The following EFHC1 variants were observed in gnomAD, a reference collection of about 807,000 sequenced individuals.
EFHC1 encodes EF-hand domain containing 1.
Under a neutral mutation model 69.9 loss-of-function variants are expected in EFHC1, and 53 were observed. The observed-to-expected ratio is 0.76, with a 90% CI of 0.61 to 0.95. EFHC1 has a LOEUF of 0.95. Ranked by LOEUF, EFHC1 falls within the 40% of genes least tolerant of loss-of-function variation. The probability of loss-of-function intolerance (pLI) is 0.00; values close to 1 mark genes in which losing one functional copy is unlikely to be tolerated. For synonymous variants in EFHC1, 256 were observed against 278.4 expected, an observed-to-expected ratio of 0.92 and a Z score of 0.80; for missense variants, 739 against 798.7, an observed-to-expected ratio of 0.93 and a Z score of 0.90.
chr6:52,479,021 T>C lies in EFHC1; in HGVS notation c.1279-16T>C, dbSNP rs1347910932. 1 of 1,611,560 alleles carries C rather than the reference T, an allele frequency of 6.2e-7. No homozygotes were observed. Among genetic ancestry groups the C allele is most frequent in the Non-Finnish European group, 8.5e-7 (1 of 1,179,280 alleles). On this transcript the variant is annotated splice_polypyrimidine_tract_variant and intron_variant, in intron 7 of 10. Coordinates refer to ENST00000371068, the MANE Select transcript of EFHC1 (RefSeq NM_018100.4). Reference sequence around the variant, plus strand: ...CCATGAACCTTCATAATATCCTCTTTTCTTCACCTTTGTAGGAATCCCCCA... The same window carrying C: ...CCATGAACCTTCATAATATCCTCTTCTCTTCACCTTTGTAGGAATCCCCCA...
At chr6:52,465,224 AT>A in intron 6 of EFHC1, 109 bp downstream of exon 6, 1 of 950,028 alleles carries the variant, frequency 1.1e-6, no homozygotes, top group Non-Finnish European at 1.6e-6. Flanking sequence ...GACAAAGTAT[AT>A]GTAACACAGT....
intron 7 of EFHC1, among the ~76,000 whole-genome samples, chr6:52,478,543 A>T (rs1765594559): frequency 6.6e-6 from 1 of 152,194 alleles, no homozygotes; most frequent in Non-Finnish European, 1.5e-5. Context: ...TATGTATATA[A>T]ATTGATTTGC....
rs1036221100 is a variant in EFHC1, at chr6:52,482,651, T to C, written c.1640+2864T>C. 3.0e-5 allele frequency: 12 copies of C among 394,814 alleles called. No homozygotes were observed. In the East Asian group the frequency reaches 4.3e-4, roughly 14 times the overall value. The allele number at this position is 394,814 out of a possible 1,614,324, so 24.5% of individuals were successfully genotyped here. A position where few individuals can be genotyped will look rare whatever the true frequency, so the allele number is the denominator to read the frequency against. On this transcript the variant is annotated intron_variant, in intron 9 of 10. Coordinates refer to ENST00000371068, the MANE Select transcript of EFHC1 (RefSeq NM_018100.4). Reference sequence around the variant, plus strand: ...TTTATGATTTTTGCTTTCAATGTTATAAAATATGTCTTAGACTTCCTTTAA... The same window carrying C: ...TTTATGATTTTTGCTTTCAATGTTACAAAATATGTCTTAGACTTCCTTTAA...
At chr6:52,435,579 C>T (rs1386094696) in intron 2 of EFHC1, among the ~76,000 whole-genome samples, 1 of 152,212 alleles carries the variant, frequency 6.6e-6, no homozygotes, top group Non-Finnish European at 1.5e-5. Context: ...CTTCCCACTT[C>T]CTTACTATCA....
chr6:52,431,068 C>A (rs1764402652), intron 2 of EFHC1, among the ~76,000 whole-genome samples: 1 of 152,036 alleles, frequency 6.6e-6, no homozygotes, highest in South Asian at 2.1e-4. Flanking sequence ...TCTAATTGAG[C>A]TTATTGGATT....
intron 3 of EFHC1, among the ~76,000 whole-genome samples, chr6:52,444,559 G>C (rs961915433): frequency 1.3e-5 from 2 of 152,178 alleles, no homozygotes; most frequent in African/African-American, 4.8e-5. Context: ...CGTGGTTTTT[G>C]TCTTTGGTTC....
At chr6:52,437,570 G>A (rs1158794277) in intron 2 of EFHC1, 2 of 152,318 alleles carry the variant, frequency 1.3e-5, no homozygotes, top group Non-Finnish European at 2.9e-5. Context: ...AGTTCTGGAG[G>A]TTGGAGGTCC....
rs1409174794 is a variant in EFHC1, at chr6:52,482,793, C to T, written c.1640+3006C>T. ...TCATTTATGTTGATAGGTTTGCCTTCACCAGTTTCCACTGGCTGCACATCC... is the reference window on the plus strand; with the variant it reads ...TCATTTATGTTGATAGGTTTGCCTTTACCAGTTTCCACTGGCTGCACATCC... On this transcript the variant is annotated intron_variant, in intron 9 of 10. Transcript: ENST00000371068. 3 of 398,474 alleles carry T rather than the reference C, an allele frequency of 7.5e-6. No individual in the cohort carries two copies. The East Asian group carries it at 1.1e-4, about 14-fold the overall frequency. 24.7% of individuals were successfully genotyped at this position (398,474 alleles called of 1,614,324 possible). A position where few individuals can be genotyped will look rare whatever the true frequency, so the allele number is the denominator to read the frequency against.
Position 52,469,396 on chromosome 6 carries a change from A to G in EFHC1, c.1201A>G (p.Ile401Val), listed in dbSNP as rs747142996. ...EDSAQNCFAL[I>V]PKAPKKDVIK... ...TTCTGCTCAGAATTGTTTTGCTCTC[A>G]TTCCAAAAGCTCCAAAAAAAGACGT... Residue 401 changes from isoleucine to valine, a missense_variant, in exon 7 of 11, where the codon ATT becomes GTT. Physicochemically the swap from Ile to Val is conservative, Grantham distance 29. Coordinates refer to ENST00000371068, the MANE Select transcript of EFHC1 (RefSeq NM_018100.4). The G allele has an allele frequency of 1.9e-6, 3 of 1,614,054 alleles. No homozygotes were observed. The highest frequency in any genetic ancestry group is 1.7e-6 in the Non-Finnish European group (2 of 1,179,940).
chr6:52,476,581 A>G (rs754446963), intron 7 of EFHC1, among the ~76,000 whole-genome samples: 1 of 152,262 alleles, frequency 6.6e-6, no homozygotes, highest in Non-Finnish European at 1.5e-5. Flanking sequence ...AGTGTTATCC[A>G]TAATAAGATA....
At position 52,494,291 on chromosome 6, in the gene EFHC1, A is replaced by C. The variant is rs776657227; in HGVS notation, c.*1950A>C. 4 of 454,110 alleles carry C rather than the reference A, an allele frequency of 8.8e-6. No homozygotes were observed. Among genetic ancestry groups the C allele is most frequent in the Non-Finnish European group, 1.8e-5 (4 of 226,786 alleles). 28.1% of individuals were successfully genotyped at this position (454,110 alleles called of 1,614,324 possible). On this transcript the variant is annotated 3_prime_UTR_variant, in exon 11 of 11. Coordinates refer to ENST00000371068, the MANE Select transcript of EFHC1 (RefSeq NM_018100.4). ...CTTAAAAATTACCAAGCTCTATCCT[A>C]CTTGGCCCAGCTCAGTCCTTCCCCC...
At chr6:52,425,315 G>A (rs1012444220) in intron 2 of EFHC1, among the ~76,000 whole-genome samples, 4 of 152,234 alleles carry the variant, frequency 2.6e-5, no homozygotes, top group Admixed American at 2.6e-4. Flanking sequence ...CAGCAGAGAA[G>A]GGAGAGGGCT....
intron 2 of EFHC1, among the ~76,000 whole-genome samples, chr6:52,433,354 T>G (rs1479706538): frequency 6.6e-6 from 1 of 152,220 alleles, no homozygotes; most frequent in Non-Finnish European, 1.5e-5. Flanking sequence ...CAGATTCTTT[T>G]GTCCCACGGG....
chr6:52,493,199 T>C lies in EFHC1; in HGVS notation c.*858T>C, dbSNP rs760949820. 1 of 453,600 alleles carries C rather than the reference T, an allele frequency of 2.2e-6. No homozygotes were observed. The highest frequency in any genetic ancestry group is 1.6e-5 in the South Asian group (1 of 64,448). 28.1% of individuals were successfully genotyped at this position (453,600 alleles called of 1,614,324 possible). A position where few individuals can be genotyped will look rare whatever the true frequency, so the allele number is the denominator to read the frequency against. On this transcript the variant is annotated 3_prime_UTR_variant, in exon 11 of 11. Coordinates refer to ENST00000371068, the MANE Select transcript of EFHC1 (RefSeq NM_018100.4). The stretch of plus-strand genomic sequence containing the variant: ...AGCCTGCTGACCTTCAGACTGGACC[T>C]AAACCATCAGCTCTCCTAAGTCATA...
chr6:52,479,560 AT>A lies in EFHC1; in HGVS notation c.1493-78del, dbSNP rs796587979. 5.9e-5 allele frequency: 93 copies of A among 1,589,048 alleles called. No individual in the cohort carries two copies. The African/African-American group carries it at 1.0e-3, about 17-fold the overall frequency. On this transcript the variant is annotated intron_variant, in intron 8 of 10. Transcript: ENST00000371068. ...ATAAATGCATACCTGTGAATTTATC[AT>A]TGGAGGGTTAATACTATTTTACTCC...
chr6:52,440,921 A>G (rs1203700461), intron 3 of EFHC1, among the ~76,000 whole-genome samples: 1 of 151,876 alleles, frequency 6.6e-6, no homozygotes, highest in Non-Finnish European at 1.5e-5. Context: ...GTTATTGGCC[A>G]TGTGTATGTC....
At chr6:52,482,909 G>T in intron 9 of EFHC1, 1 of 398,390 alleles carries the variant, frequency 2.5e-6, no homozygotes. Context: ...TTCACTTCTT[G>T]CATCTTTGCT....
rs374561436 is a variant in EFHC1 at position 52,495,620 on chromosome 6, T to TA, written c.*3280dup. The stretch of plus-strand genomic sequence containing the variant: ...TGTTTGTTTTTTAGAGACAGGGTCT[T>TA]ACTCTGTTGCCAGACTGGAATGCGG... On this transcript the variant is annotated 3_prime_UTR_variant, in exon 11 of 11. Transcript: ENST00000371068. 567 of 453,148 alleles carry TA rather than the reference T, an allele frequency of 1.3e-3. 3 individuals carry two copies. Among genetic ancestry groups the TA allele is most frequent in the African/African-American group, 9.7e-3 (484 of 50,058 alleles). The allele number at this position is 453,148 out of a possible 1,614,324, so 28.1% of individuals were successfully genotyped here.
intron 2 of EFHC1, among the ~76,000 whole-genome samples, chr6:52,434,706 C>G (rs1440614709): frequency 6.6e-6 from 1 of 152,206 alleles, no homozygotes; most frequent in African/African-American, 2.4e-5. Flanking sequence ...TACCTTCCAT[C>G]TGCCATGATT....
Sources: gnomAD v4.1 joint callset for allele counts (sites outside exome capture counted in the v4.1 genomes callset) on GRCh38, gnomAD v4.1.1 for gene constraint, MANE v1.5 for transcripts, NCBI Gene and HGNC (gene_info 2026-07-23, HGNC 2026-07-21) for gene names.